The following PDE12 variants were observed in gnomAD, a reference collection of about 807,000 sequenced individuals.
The protein encoded by PDE12 is 2',5'-phosphodiesterase 12.
PDE12 carries 26 observed loss-of-function variants against 45.4 expected under a neutral mutation model. The observed-to-expected ratio is 0.57, with a 90% CI of 0.42 to 0.79. The LOEUF (loss-of-function observed/expected upper bound fraction) is 0.79, where lower values mean the gene tolerates loss of function less well. Among genes scored for constraint, PDE12 ranks in the 30% least tolerant of loss-of-function variants. PDE12 has a pLI of 0.00. For synonymous variants in PDE12, 283 were observed against 323.9 expected, an observed-to-expected ratio of 0.87 and a Z score of 1.36; for missense variants, 668 against 790.0, an observed-to-expected ratio of 0.85 and a Z score of 1.85.
the PDE12 span, chr3:57,575,709 C>T: frequency 1.9e-6 from 3 of 1,567,376 alleles, no homozygotes; most frequent in African/African-American, 1.4e-5. Context: ...CAACTACCAA[C>T]CGGAATCCAA....
the PDE12 span, chr3:57,646,208 T>C: frequency 6.9e-7 from 1 of 1,446,626 alleles, no homozygotes; most frequent in Non-Finnish European, 9.3e-7. Context: ...AATGCAATAA[T>C]GGGTGGGGAA....
the PDE12 span, among the ~76,000 whole-genome samples, chr3:57,650,189 T>C: frequency 1.3e-5 from 2 of 151,810 alleles, no homozygotes; most frequent in Non-Finnish European, 2.9e-5. Flanking sequence ...TTGGGTACAG[T>C]GTACATTCCT....
chr3:57,632,342 AAG>A, the PDE12 span, among the ~76,000 whole-genome samples: 1 of 150,436 alleles, frequency 6.6e-6, no homozygotes, highest in African/African-American at 2.5e-5. Flanking sequence ...TTTTTTTTTT[AAG>A]AGAGTCTTGC....
At chr3:57,596,455 A>T in the PDE12 span, among the ~76,000 whole-genome samples, 3 of 152,236 alleles carry the variant, frequency 2.0e-5, no homozygotes, top group Non-Finnish European at 4.4e-5. Flanking sequence ...TGAGATTAAC[A>T]AGGAGCGAAA....
chr3:57,641,703 G>A, the PDE12 span: 2 of 1,613,100 alleles, frequency 1.2e-6, no homozygotes, highest in South Asian at 1.1e-5. Context: ...GTGCTGGAGT[G>A]TCTTAGCAAA....
the PDE12 span, among the ~76,000 whole-genome samples, chr3:57,609,431 AAATC>A: frequency 6.6e-6 from 1 of 152,184 alleles, no homozygotes; most frequent in Non-Finnish European, 1.5e-5. Context: ...TCCTTCAAAA[AAATC>A]AATGAATCCA....
chr3:57,557,180 G>A lies in PDE12; in HGVS notation c.801G>A (p.Val267=). 6.2e-7 allele frequency: 1 copy of A among 1,614,126 alleles called. No homozygotes were observed. The highest frequency in any genetic ancestry group is 8.5e-7 in the Non-Finnish European group (1 of 1,180,026). The change falls in exon 1 of 3, where the codon GTG becomes GTA. Residue 267 remains valine (V), a synonymous_variant. Coordinates refer to ENST00000311180, the MANE Select transcript of PDE12 (RefSeq NM_177966.7). The stretch of plus-strand genomic sequence containing the variant: ...GGCACAGCCGGGAGTTGGAAAGTGT[G>A]TGTGTGGTAGAGGCTGGGCCTGGCA... ...RFGHSRELES[V]CVVEAGPGTC...
At chr3:57,602,723 A>G in the PDE12 span, among the ~76,000 whole-genome samples, 1 of 151,974 alleles carries the variant, frequency 6.6e-6, no homozygotes, top group Non-Finnish European at 1.5e-5. Flanking sequence ...GGCGTGCGCC[A>G]CTACGCCTGG....
At chr3:57,611,721 A>G in the PDE12 span, among the ~76,000 whole-genome samples, 1 of 152,222 alleles carries the variant, frequency 6.6e-6, no homozygotes, top group African/African-American at 2.4e-5. Context: ...CAATCATTAA[A>G]ACGTCAGGAA....
the PDE12 span, among the ~76,000 whole-genome samples, chr3:57,602,632 A>G: frequency 6.6e-6 from 1 of 151,990 alleles, no homozygotes; most frequent in Non-Finnish European, 1.5e-5. Flanking sequence ...ATGCAGTGGC[A>G]CGATCTTGGC....
chr3:57,643,691 G>A, the PDE12 span, among the ~76,000 whole-genome samples: 1 of 151,778 alleles, frequency 6.6e-6, no homozygotes, highest in Non-Finnish European at 1.5e-5. Flanking sequence ...GCTGGGTGTG[G>A]TGGTGCATGC....
chr3:57,606,325 G>A, the PDE12 span, among the ~76,000 whole-genome samples: 256 of 152,262 alleles, frequency 1.7e-3, 1 homozygote, highest in African/African-American at 6.0e-3. Flanking sequence ...AAGAAGTGGA[G>A]TAACATCTTA....
the PDE12 span, chr3:57,577,345 G>T: frequency 6.2e-7 from 1 of 1,613,580 alleles, no homozygotes; most frequent in African/African-American, 1.3e-5. Context: ...GCTACTTCCT[G>T]AATTCTTTCA....
chr3:57,627,692 C>G, the PDE12 span: 1 of 152,494 alleles, frequency 6.6e-6, no homozygotes, highest in Non-Finnish European at 1.5e-5. Flanking sequence ...CATAATGAAG[C>G]TAAGGAAAAG....
At chr3:57,638,800 C>CA in the PDE12 span, among the ~76,000 whole-genome samples, 34 of 151,176 alleles carry the variant, frequency 2.2e-4, no homozygotes, top group South Asian at 4.2e-4. Flanking sequence ...TGGTTACTAT[C>CA]AAAAAAAATG....
downstream of PDE12, among the ~76,000 whole-genome samples, chr3:57,569,493 C>T (rs572310102): frequency 1.2e-4 from 18 of 152,162 alleles, no homozygotes; most frequent in Middle Eastern, 3.4e-3. Flanking sequence ...GCTGGGATTA[C>T]AGGCATGCAC....
the PDE12 span, among the ~76,000 whole-genome samples, chr3:57,652,153 C>G: frequency 6.6e-6 from 1 of 152,230 alleles, no homozygotes; most frequent in South Asian, 2.1e-4. Context: ...GACTGGATTA[C>G]TGGTTTGATT....
At chr3:57,570,509 C>G (rs1008381082), downstream of PDE12, among the ~76,000 whole-genome samples, 4 of 151,754 alleles carry the variant, frequency 2.6e-5, no homozygotes, top group African/African-American at 4.8e-5. Flanking sequence ...TGAGCCACCA[C>G]GCCTGGCCAT....
chr3:57,557,182 G>T lies in PDE12; in HGVS notation c.803G>T (p.Cys268Phe). 1 of 1,614,098 alleles carries T rather than the reference G, an allele frequency of 6.2e-7. No homozygotes were observed. Among genetic ancestry groups the T allele is most frequent in the Non-Finnish European group, 8.5e-7 (1 of 1,180,012 alleles). The stretch of plus-strand genomic sequence containing the variant: ...CACAGCCGGGAGTTGGAAAGTGTGT[G>T]TGTGGTAGAGGCTGGGCCTGGCACC... ...FGHSRELESVCVVEAGPGTCT... is the reference protein window; with the variant it reads ...FGHSRELESVFVVEAGPGTCT... The change falls in exon 1 of 3, where the codon TGT becomes TTT. Residue 268 changes from cysteine to phenylalanine, a missense_variant. Around this residue, in one of 3 missense-constraint regions of PDE12, gnomAD observed 580 missense variants for 662.9 expected, o/e 0.87. Coordinates refer to ENST00000311180, the MANE Select transcript of PDE12 (RefSeq NM_177966.7).
Sources: gnomAD v4.1 joint callset for allele counts (sites outside exome capture counted in the v4.1 genomes callset) on GRCh38, gnomAD v4.1.1 for gene constraint, gnomAD v4.1.1 regional missense constraint, MANE v1.5 for transcripts, NCBI Gene and HGNC (gene_info 2026-07-23, HGNC 2026-07-21) for gene names.